Variants in RIOX2 observed in about 807,000 individuals in gnomAD.
The protein encoded by RIOX2 is ribosomal oxygenase 2.
RIOX2 carries 43 observed loss-of-function variants against 51.2 expected under a neutral mutation model. That is an observed-to-expected ratio of 0.84 (90% CI 0.66 to 1.08). The LOEUF (loss-of-function observed/expected upper bound fraction) is 1.08. Among genes scored for constraint, RIOX2 ranks in the 50% least tolerant of loss-of-function variants. RIOX2 has a pLI of 0.00. For synonymous variants in RIOX2, 226 were observed against 218.5 expected, an observed-to-expected ratio of 1.03 and a Z score of -0.30; for missense variants, 566 against 561.7, an observed-to-expected ratio of 1.01 and a Z score of -0.08.
intron 8 of RIOX2, among the ~76,000 whole-genome samples, chr3:97,946,586 G>GTATATATATA (rs4061087): frequency 0.063 from 8,031 of 127,398 alleles, 487 homozygotes; most frequent in African/African-American, 0.13. Flanking sequence ...TTTTGAGGAT[G>GTATATATATA]TATATATATA....
chr3:97,962,574 A>T (rs559631547), intron 2 of RIOX2, among the ~76,000 whole-genome samples: 1 of 152,340 alleles, frequency 6.6e-6, no homozygotes, highest in East Asian at 1.9e-4. Flanking sequence ...CAGAGCAGAC[A>T]TCAGACTTAG....
At chr3:97,946,170 C>T (rs141418170) in intron 8 of RIOX2, among the ~76,000 whole-genome samples, 1,566 of 152,138 alleles carry the variant, frequency 0.01, 79 homozygotes, top group Admixed American at 0.089. Context: ...CCTGGAAGAG[C>T]ATCTTCAGGA....
Position 97,943,575 on chromosome 3 carries a change from G to GC in RIOX2, c.*1608dup, listed in dbSNP as rs1430356870. On this transcript the variant is annotated 3_prime_UTR_variant, in exon 10 of 10. Transcript: ENST00000394198. The stretch of plus-strand genomic sequence containing the variant: ...TATTCCTGATCTCCAGCTGTGGTGA[G>GC]CAAGTTTCCTGAAGTGTTTATTTTC... 2 of 401,522 alleles carry GC rather than the reference G, an allele frequency of 5.0e-6. No individual in the cohort carries two copies. The highest frequency in any genetic ancestry group is 8.8e-6 in the Non-Finnish European group (2 of 227,346). 24.9% of individuals were successfully genotyped at this position (401,522 alleles called of 1,614,324 possible).
At position 97,945,840 on chromosome 3, in the gene RIOX2, A is replaced by ATTCT. The variant is rs755096642; in HGVS notation, c.1193_1196dup (p.Asn399LysfsTer3). ...TTCCCATCATGTGTGTCTCTCTACT[A>ATTCT]TTCTTTAAGGAATGATAGATGTACA... On this transcript the variant is annotated frameshift_variant, in exon 9 of 10. Transcript: ENST00000394198. LOFTEE classifies it high-confidence loss of function. The ATTCT allele has an allele frequency of 1.2e-6, 2 of 1,611,202 alleles. No homozygotes were observed. Among genetic ancestry groups the ATTCT allele is most frequent in the Non-Finnish European group, 1.7e-6 (2 of 1,177,888 alleles).
chr3:97,943,267 C>A lies in RIOX2; in HGVS notation c.*1917G>T. 6.3e-7 allele frequency: 1 copy of A among 1,592,574 alleles called. No individual in the cohort carries two copies. Among genetic ancestry groups the A allele is most frequent in the South Asian group, 1.1e-5 (1 of 89,828 alleles). On this transcript the variant is annotated 3_prime_UTR_variant, in exon 10 of 10. Coordinates refer to ENST00000394198, the MANE Select transcript of RIOX2 (RefSeq NM_153182.4). The stretch of plus-strand genomic sequence containing the variant: ...CAAGACTCATGTAATTGTAAATCAG[C>A]CCCTGGAGGGAGAAGAAACACAGAA...
chr3:97,942,333 C>CTAAAG lies in RIOX2; in HGVS notation c.*2846_*2850dup. 1 of 1,611,618 alleles carries CTAAAG rather than the reference C, an allele frequency of 6.2e-7. No individual in the cohort carries two copies. ...ATTGGTGGCCGGGACACACCTGGAG[C>CTAAAG]TAAAGTAGCTCTATGGACTGAACAT... On this transcript the variant is annotated 3_prime_UTR_variant, in exon 10 of 10. Transcript: ENST00000394198.
At chr3:97,947,877 G>A (rs749029606) in intron 7 of RIOX2, among the ~76,000 whole-genome samples, 3 of 152,144 alleles carry the variant, frequency 2.0e-5, no homozygotes, top group Non-Finnish European at 4.4e-5. Flanking sequence ...ATTATTAGGT[G>A]TGTGACCCTG....
At position 97,947,370 on chromosome 3, in the gene RIOX2, T is replaced by C; in HGVS notation, c.1140A>G (p.Gln380=). The C allele has an allele frequency of 6.2e-7, 1 of 1,612,536 alleles. No individual in the cohort carries two copies. The highest frequency in any genetic ancestry group is 8.5e-7 in the Non-Finnish European group (1 of 1,178,714). Residue 380 remains glutamine (Q), a synonymous_variant, in exon 8 of 10, where the codon CAA becomes CAG. Coordinates refer to ENST00000394198, the MANE Select transcript of RIOX2 (RefSeq NM_153182.4). ...DHIVLTVLPD[Q]DQSDEAQEKM... Reference sequence around the variant, plus strand: ...CCTCTTGGATACTCACAGATTGATCTTGATCCGGCAGTACTGTGAGGACAA... The same window carrying C: ...CCTCTTGGATACTCACAGATTGATCCTGATCCGGCAGTACTGTGAGGACAA...
intron 4 of RIOX2, among the ~76,000 whole-genome samples, chr3:97,955,538 T>G (rs1162645099): frequency 2.6e-5 from 4 of 152,032 alleles, no homozygotes; most frequent in Non-Finnish European, 5.9e-5. Context: ...ATTAAGATTC[T>G]CCTCAAAGCA....
chr3:97,944,985 C>T lies in RIOX2; in HGVS notation c.*199G>A, dbSNP rs2040320335. The T allele has an allele frequency of 4.9e-6, 2 of 412,214 alleles. No homozygotes were observed. The highest frequency in any genetic ancestry group is 2.1e-5 in the African/African-American group (1 of 48,454). 25.5% of individuals were successfully genotyped at this position (412,214 alleles called of 1,614,324 possible). On this transcript the variant is annotated 3_prime_UTR_variant, in exon 10 of 10. Coordinates refer to ENST00000394198, the MANE Select transcript of RIOX2 (RefSeq NM_153182.4). ...AATATGGTTTTGTCATTTTCTGAGACACTTGGTAATTTGCTGTTCTTTCTT... is the reference window on the plus strand; with the variant it reads ...AATATGGTTTTGTCATTTTCTGAGATACTTGGTAATTTGCTGTTCTTTCTT...
rs779885038 is a variant in RIOX2 at position 97,943,448 on chromosome 3, A to C, written c.*1736T>G. On this transcript the variant is annotated 3_prime_UTR_variant, in exon 10 of 10. Transcript: ENST00000394198. ...ACTGAGCAGAATGAACATTTTCTCC[A>C]GCCTCTGAGACTATCGCTCTTAACC... 3 of 635,886 alleles carry C rather than the reference A, an allele frequency of 4.7e-6. No individual in the cohort carries two copies. The highest frequency in any genetic ancestry group is 8.3e-6 in the Non-Finnish European group (3 of 362,892). 39.4% of individuals were successfully genotyped at this position (635,886 alleles called of 1,614,324 possible).
chr3:97,952,119 G>A, intron 5 of RIOX2: 1 of 1,180,258 alleles, frequency 8.5e-7, no homozygotes, highest in Non-Finnish European at 1.1e-6. Flanking sequence ...ATGCTACCTT[G>A]ACAGGTGTTA....
intron 4 of RIOX2, among the ~76,000 whole-genome samples, chr3:97,956,997 C>T (rs1019927826): frequency 1.6e-4 from 25 of 152,088 alleles, no homozygotes; most frequent in African/African-American, 1.9e-4. Flanking sequence ...GTGGTGTTTC[C>T]ATCACAGGCG....
chr3:97,958,422 C>G (rs930786675), intron 4 of RIOX2, among the ~76,000 whole-genome samples: 20 of 152,160 alleles, frequency 1.3e-4, no homozygotes, highest in African/African-American at 4.8e-4. Context: ...ATGTTCCCAT[C>G]GATGTTAACT....
chr3:97,959,296 A>C, intron 3 of RIOX2, 117 bp from the exon 4 acceptor site: 1 of 782,228 alleles, frequency 1.3e-6, no homozygotes, highest in Non-Finnish European at 1.8e-6. Context: ...GTGAACCTTG[A>C]ACAACACAGG....
Position 97,949,927 on chromosome 3 carries a change from A to T in RIOX2, c.977T>A (p.Leu326His). Residue 326 changes from leucine (L) to histidine (H), a missense_variant, in exon 7 of 10, where the codon CTT (leucine) becomes CAT (histidine). By Grantham distance (99) the Leu-to-His change is moderately conservative. Transcript: ENST00000394198. The stretch of plus-strand genomic sequence containing the variant: ...AAAATCCTTCTTCATGTCTGAGGAA[A>T]GCAGTTCTTTGGTGCCCTCCAGCCG... Reference protein sequence around the residue: ...ADRLEGTKELLSSDMKKDFIM... With the variant: ...ADRLEGTKELHSSDMKKDFIM... The T allele has an allele frequency of 6.2e-7, 1 of 1,613,984 alleles. No individual in the cohort carries two copies. Among genetic ancestry groups the T allele is most frequent in the South Asian group, 1.1e-5 (1 of 91,070 alleles).
rs758142821 is a variant in RIOX2 at position 97,959,039 on chromosome 3, G to A, written c.681+12C>T. On this transcript the variant is annotated intron_variant, in intron 4 of 9. Transcript: ENST00000394198. The stretch of plus-strand genomic sequence containing the variant: ...CTCTAACAATGAGGTGCCCACAACG[G>A]TTATCACATACCTTCAGCATAAACT... 2 of 1,603,664 alleles carry A rather than the reference G, an allele frequency of 1.2e-6. No homozygotes were observed. Among genetic ancestry groups the A allele is most frequent in the African/African-American group, 2.7e-5 (2 of 74,456 alleles).
intron 4 of RIOX2, among the ~76,000 whole-genome samples, chr3:97,957,791 A>G (rs1202135526): frequency 6.6e-6 from 1 of 152,206 alleles, no homozygotes; most frequent in Non-Finnish European, 1.5e-5. Context: ...CCAACCGTGA[A>G]TCTATGTAAA....
chr3:97,950,736 G>T, intron 6 of RIOX2, 50 bp downstream of exon 6: 1 of 1,462,032 alleles, frequency 6.8e-7, no homozygotes, highest in Non-Finnish European at 9.6e-7. Flanking sequence ...ACTTCAGCTG[G>T]CCTGGGCTGC....
Sources: allele counts gnomAD v4.1 joint callset (sites outside exome capture counted in the v4.1 genomes callset), GRCh38; gene constraint gnomAD v4.1.1; transcripts MANE v1.5; gene names NCBI Gene and HGNC (gene_info 2026-07-23, HGNC 2026-07-21).